APBA1: variants seen among roughly 807,000 people sequenced by gnomAD.
The protein encoded by APBA1 is amyloid beta precursor protein binding family A member 1.
In APBA1, 55 loss-of-function variants were observed where a neutral mutation model predicts 86.6. That is an observed-to-expected ratio of 0.64 (90% CI 0.51 to 0.80). The LOEUF is 0.80. Among genes scored for constraint, APBA1 ranks in the 30% least tolerant of loss-of-function variants. The pLI is 0.00. For synonymous variants in APBA1, 511 were observed against 493.9 expected (o/e 1.03, Z -0.46); for missense variants, 1,090 against 1,183.0 (o/e 0.92, Z 1.15).
intron 1 of APBA1, among the ~76,000 whole-genome samples, chr9:69,595,026 A>G (rs1431426180): frequency 6.6e-6 from 1 of 152,250 alleles, no homozygotes; most frequent in Non-Finnish European, 1.5e-5. Context: ...AAAGTAAACC[A>G]TCAATTCATA....
Position 69,429,991 on chromosome 9 carries a change from T to C in APBA1, c.*1336A>G, listed in dbSNP as rs1401485617. The stretch of plus-strand genomic sequence containing the variant: ...TCTACACTGAACTGAGACGGAAGCA[T>C]AAATATGAGGCACCTGATGAAAACA... On this transcript the variant is annotated 3_prime_UTR_variant, in exon 13 of 13. Transcript: ENST00000265381. 6.6e-6 allele frequency: 1 copy of C among 151,936 alleles called. No homozygotes were observed. Among genetic ancestry groups the C allele is most frequent in the Non-Finnish European group, 1.5e-5 (1 of 68,022 alleles). 9.4% of individuals were successfully genotyped at this position (151,936 alleles called of 1,614,324 possible).
At chr9:69,590,286 A>G (rs149470170) in intron 1 of APBA1, among the ~76,000 whole-genome samples, 1 of 152,376 alleles carries the variant, frequency 6.6e-6, no homozygotes, top group Non-Finnish European at 1.5e-5. Flanking sequence ...GCGAGGTTCA[A>G]ATAAATAGCT....
chr9:69,490,236 A>G (rs527444454), intron 2 of APBA1, among the ~76,000 whole-genome samples: 20 of 151,958 alleles, frequency 1.3e-4, no homozygotes, highest in African/African-American at 4.8e-4. Context: ...AAAAAACCAA[A>G]CACCGCATAT....
At chr9:69,589,864 T>C (rs1353324858) in intron 1 of APBA1, among the ~76,000 whole-genome samples, 2 of 152,190 alleles carry the variant, frequency 1.3e-5, no homozygotes, top group Non-Finnish European at 2.9e-5. Flanking sequence ...ACTCACTGTA[T>C]ATTCTACCTG....
chr9:69,580,744 T>C (rs1821898650), intron 1 of APBA1, among the ~76,000 whole-genome samples: 1 of 152,132 alleles, frequency 6.6e-6, no homozygotes. Context: ...ACATGACACA[T>C]ACTGATTGAG....
chr9:69,462,583 T>C (rs148953926), intron 5 of APBA1: 13 of 152,320 alleles, frequency 8.5e-5, no homozygotes, highest in African/African-American at 2.9e-4. Flanking sequence ...TTAAAGTGAA[T>C]GAAATCTTCT....
intron 1 of APBA1, among the ~76,000 whole-genome samples, chr9:69,533,547 C>T (rs1022195396): frequency 1.2e-4 from 19 of 152,138 alleles, no homozygotes; most frequent in African/African-American, 4.6e-4. Flanking sequence ...GGAATTTTCT[C>T]ACCACATTTC....
Position 69,516,656 on chromosome 9 carries a change from C to G in APBA1, c.555G>C (p.Glu185Asp), listed in dbSNP as rs772023961. The change falls in exon 2 of 13, where the codon GAG becomes GAC. Residue 185 changes from glutamate (E) to aspartate (D), a missense_variant. Glu to Asp is a conservative substitution (Grantham distance 45). This residue lies in a region of APBA1 where 678 missense variants were observed against 647.1 expected (regional missense o/e 1.05). Coordinates refer to ENST00000265381, the MANE Select transcript of APBA1 (RefSeq NM_001163.4). The surrounding 1 kb of genome is among the most constrained non-coding windows in gnomAD (Gnocchi z 7.3). ...FHRGEDEPYS[E>D]PYADYGGLQE... The stretch of plus-strand genomic sequence containing the variant: ...GGAGGCCGCCGTAGTCGGCATAGGG[C>G]TCGGAGTAGGGCTCGTCCTCACCGC... 1 of 1,609,484 alleles carries G rather than the reference C, an allele frequency of 6.2e-7. No homozygotes were observed. The highest frequency in any genetic ancestry group is 8.5e-7 in the Non-Finnish European group (1 of 1,179,074).
intron 1 of APBA1, among the ~76,000 whole-genome samples, chr9:69,593,151 A>G (rs971868954): frequency 6.6e-6 from 1 of 152,244 alleles, no homozygotes; most frequent in African/African-American, 2.4e-5. Context: ...ATACAAAGTC[A>G]AAAGTTGCAT....
intron 1 of APBA1, among the ~76,000 whole-genome samples, chr9:69,553,872 G>A (rs188144909): frequency 4.6e-5 from 7 of 152,300 alleles, no homozygotes; most frequent in African/African-American, 1.2e-4. Flanking sequence ...TTGGTTCAGC[G>A]TGGTGCTAAT....
intron 1 of APBA1, among the ~76,000 whole-genome samples, chr9:69,581,477 G>T (rs1821912559): frequency 6.6e-6 from 1 of 152,184 alleles, no homozygotes; most frequent in East Asian, 1.9e-4. Flanking sequence ...CTGCCTTCAG[G>T]TGTGTTTGCG....
At chr9:69,610,589 T>C (rs1822567276) in intron 1 of APBA1, among the ~76,000 whole-genome samples, 2 of 152,188 alleles carry the variant, frequency 1.3e-5, no homozygotes, top group Non-Finnish European at 2.9e-5. Context: ...ATCTGACTCA[T>C]TTTTCCTTTG....
intron 1 of APBA1, among the ~76,000 whole-genome samples, chr9:69,658,302 CTCTCTTTCTT>C (rs1564105002): frequency 7.2e-5 from 6 of 83,618 alleles, no homozygotes; most frequent in East Asian, 3.5e-4. Flanking sequence ...CTTTCTCTCT[CTCTCTTTCTT>C]TCTTTCTTTC....
chr9:69,459,924 CT>C (rs1680772271), intron 5 of APBA1, among the ~76,000 whole-genome samples: 1 of 152,178 alleles, frequency 6.6e-6, no homozygotes, highest in Non-Finnish European at 1.5e-5. Context: ...AATTTCTTGC[CT>C]TTTGCTAAGA....
At chr9:69,548,284 C>T (rs566457882) in intron 1 of APBA1, among the ~76,000 whole-genome samples, 2 of 152,256 alleles carry the variant, frequency 1.3e-5, no homozygotes, top group South Asian at 4.1e-4. Flanking sequence ...TTTTGCCAAC[C>T]TGAATGAGTA....
chr9:69,589,797 C>A (rs573269879), intron 1 of APBA1, among the ~76,000 whole-genome samples: 3 of 152,148 alleles, frequency 2.0e-5, no homozygotes, highest in African/African-American at 7.2e-5. Flanking sequence ...TTCTCTCTGG[C>A]CAAACATTTT....
At chr9:69,475,715 G>T (rs149305300) in intron 3 of APBA1, among the ~76,000 whole-genome samples, 1 of 152,254 alleles carries the variant, frequency 6.6e-6, no homozygotes, top group African/African-American at 2.4e-5. Context: ...CGAGTTTTTG[G>T]TGTCTGAGGT....
intron 1 of APBA1, among the ~76,000 whole-genome samples, chr9:69,653,567 A>G (rs966903810): frequency 6.6e-6 from 1 of 152,196 alleles, no homozygotes; most frequent in Non-Finnish European, 1.5e-5. Flanking sequence ...AAGTCACAAA[A>G]CAAATCTTAA....
chr9:69,620,494 A>C (rs1822794162), intron 1 of APBA1, among the ~76,000 whole-genome samples: 1 of 152,192 alleles, frequency 6.6e-6, no homozygotes, highest in Non-Finnish European at 1.5e-5. Context: ...CCTAGCCAGC[A>C]TGGTGAAACC....
Sources: allele counts gnomAD v4.1 joint callset (sites outside exome capture counted in the v4.1 genomes callset), GRCh38; gene constraint gnomAD v4.1.1; regional missense constraint gnomAD v4.1.1; non-coding constraint Gnocchi (gnomAD v3.1); transcripts MANE v1.5; gene names NCBI Gene and HGNC (gene_info 2026-07-23, HGNC 2026-07-21).